SLC35F4: variants seen among roughly 807,000 people sequenced by gnomAD.
The protein encoded by SLC35F4 is chromosome 14 open reading frame 36.
A neutral mutation model predicts 44.2 loss-of-function variants in SLC35F4; 24 were observed. The ratio of observed to expected loss-of-function variants is 0.54; its 90% CI spans 0.39 to 0.76. The LOEUF (loss-of-function observed/expected upper bound fraction) is 0.76. SLC35F4 is among the 30% of genes least tolerant of loss of function. The pLI is 0.00. For synonymous variants in SLC35F4, 238 were observed against 223.6 expected (o/e 1.06, Z -0.57); for missense variants, 562 against 586.1 (o/e 0.96, Z 0.42).
At chr14:57,723,769 A>G (rs2140445229) in intron 1 of SLC35F4, among the ~76,000 whole-genome samples, 1 of 152,340 alleles carries the variant, frequency 6.6e-6, no homozygotes, top group South Asian at 2.1e-4. Flanking sequence ...TTACTCAGAG[A>G]GATCTTGATT....
At chr14:57,962,623 A>T (rs1594656414) in intron 1 of SLC35F4, among the ~76,000 whole-genome samples, 1 of 152,368 alleles carries the variant, frequency 6.6e-6, no homozygotes, top group East Asian at 1.9e-4. Context: ...GAGGGATGAA[A>T]GGTCCATTAA....
At chr14:57,722,647 T>A (rs1175791286) in intron 1 of SLC35F4, among the ~76,000 whole-genome samples, 1 of 152,158 alleles carries the variant, frequency 6.6e-6, no homozygotes. Context: ...ATAGCTACCA[T>A]AATGGACAGC....
chr14:57,672,307 C>T (rs1285313939), intron 1 of SLC35F4, among the ~76,000 whole-genome samples: 3 of 152,032 alleles, frequency 2.0e-5, no homozygotes, highest in African/African-American at 7.3e-5. Context: ...TTGCCCTAGA[C>T]ACGGGGCACT....
At chr14:57,571,868 C>G in intron 5 of SLC35F4, 26 bp downstream of exon 5, 7 of 1,597,168 alleles carry the variant, frequency 4.4e-6, no homozygotes, top group Non-Finnish European at 6.0e-6. Context: ...GTGACAGTTG[C>G]TTACAAAAGA....
At chr14:57,644,847 A>G (rs1241769613) in intron 1 of SLC35F4, among the ~76,000 whole-genome samples, 3 of 152,226 alleles carry the variant, frequency 2.0e-5, no homozygotes, top group African/African-American at 7.2e-5. Flanking sequence ...GTGGCTAGCC[A>G]GTTTTCCCAG....
intron 3 of SLC35F4, among the ~76,000 whole-genome samples, chr14:57,587,923 C>T (rs1038077760): frequency 4.0e-5 from 6 of 149,420 alleles, no homozygotes; most frequent in South Asian, 4.2e-4. Context: ...CGCTGGCTCA[C>T]GCCTGTAATC....
chr14:57,882,399 G>C (rs1888554442), intron 1 of SLC35F4, among the ~76,000 whole-genome samples: 1 of 152,132 alleles, frequency 6.6e-6, no homozygotes, highest in Non-Finnish European at 1.5e-5. Flanking sequence ...CAACACACCT[G>C]TCCTAGCTTT....
chr14:57,918,364 T>C (rs1214102014), intron 1 of SLC35F4, among the ~76,000 whole-genome samples: 2 of 152,212 alleles, frequency 1.3e-5, no homozygotes, highest in Non-Finnish European at 2.9e-5. Flanking sequence ...ATTCCTACTC[T>C]GGTAAGTTGT....
intron 1 of SLC35F4, among the ~76,000 whole-genome samples, chr14:57,911,626 G>A (rs1482583588): frequency 2.0e-5 from 3 of 151,904 alleles, no homozygotes; most frequent in African/African-American, 4.8e-5. Context: ...TTGCAAACCT[G>A]GGATAAATCC....
At chr14:57,967,540 T>C (rs898006352) in intron 1 of SLC35F4, among the ~76,000 whole-genome samples, 6 of 151,778 alleles carry the variant, frequency 4.0e-5, no homozygotes, top group African/African-American at 1.5e-4. Context: ...TTCTCATATA[T>C]AGTAGTAACT....
At chr14:57,671,379 T>C (rs971748265) in intron 1 of SLC35F4, among the ~76,000 whole-genome samples, 1 of 151,916 alleles carries the variant, frequency 6.6e-6, no homozygotes, top group African/African-American at 2.4e-5. Context: ...GTCTTTCATC[T>C]AGGATACCGC....
chr14:57,600,337 T>C (rs1292665581), intron 1 of SLC35F4, among the ~76,000 whole-genome samples: 1 of 152,148 alleles, frequency 6.6e-6, no homozygotes, highest in Non-Finnish European at 1.5e-5. Context: ...GATTTTTCAC[T>C]TGATGTTGGT....
intron 1 of SLC35F4, among the ~76,000 whole-genome samples, chr14:57,850,864 A>C (rs1215920167): frequency 6.6e-6 from 1 of 152,228 alleles, no homozygotes. Flanking sequence ...CAAAGACTGC[A>C]TGGATGGTTT....
intron 1 of SLC35F4, among the ~76,000 whole-genome samples, chr14:57,937,537 T>C (rs964008307): frequency 1.6e-5 from 2 of 123,666 alleles, no homozygotes; most frequent in Non-Finnish European, 3.4e-5. Flanking sequence ...ACAATAATGA[T>C]GGTCAGAAGG....
intron 1 of SLC35F4, among the ~76,000 whole-genome samples, chr14:57,844,718 C>T (rs1474991130): frequency 6.6e-6 from 1 of 152,150 alleles, no homozygotes; most frequent in Non-Finnish European, 1.5e-5. Context: ...AAGATTTCCT[C>T]TGTCTGACCA....
At chr14:57,661,955 C>A (rs753453514) in intron 1 of SLC35F4, among the ~76,000 whole-genome samples, 2 of 152,172 alleles carry the variant, frequency 1.3e-5, no homozygotes, top group Non-Finnish European at 2.9e-5. Context: ...ACATAAAGAA[C>A]TGAGTGTAGC....
chr14:57,582,540 TAC>T (rs935512125), intron 3 of SLC35F4, among the ~76,000 whole-genome samples: 4 of 152,180 alleles, frequency 2.6e-5, no homozygotes, highest in African/African-American at 9.7e-5. Context: ...AAGCTAGCAA[TAC>T]ATACAGGCAA....
At chr14:57,975,150 G>A (rs1247239140), downstream of SLC35F4, among the ~76,000 whole-genome samples, 1 of 152,170 alleles carries the variant, frequency 6.6e-6, no homozygotes, top group Non-Finnish European at 1.5e-5. Context: ...GTTGATCATT[G>A]AGGTGACTAT....
chr14:57,669,943 A>G (rs1251427564), intron 1 of SLC35F4, among the ~76,000 whole-genome samples: 2 of 152,060 alleles, frequency 1.3e-5, no homozygotes, highest in African/African-American at 2.4e-5. Flanking sequence ...GAATTCGGCT[A>G]TGAATCCATC....
Sources: allele counts gnomAD v4.1 joint callset (sites outside exome capture counted in the v4.1 genomes callset), GRCh38; gene constraint gnomAD v4.1.1; transcripts MANE v1.5; gene names NCBI Gene and HGNC (gene_info 2026-07-23, HGNC 2026-07-21).